PADI2: variants seen among roughly 807,000 people sequenced by gnomAD.
PADI2 encodes the protein protein-arginine deiminase type-2.
PADI2 carries 70 observed loss-of-function variants against 81.1 expected under a neutral mutation model. The observed-to-expected ratio is 0.86, with a 90% CI of 0.71 to 1.05. The LOEUF is 1.05. Among genes scored for constraint, PADI2 ranks in the 50% least tolerant of loss-of-function variants. PADI2 has a pLI of 0.00. For synonymous variants in PADI2, 338 were observed against 358.0 expected (o/e 0.94, Z 0.63); for missense variants, 853 against 889.9 (o/e 0.96, Z 0.53).
At chr1:17,082,722 G>C (rs751215965) in intron 9 of PADI2, 70 bp from the exon 10 acceptor site, 1 of 889,982 alleles carries the variant, frequency 1.1e-6, no homozygotes, top group Non-Finnish European at 1.8e-6. Context: ...CAGAAAACTC[G>C]AGAAACACAA....
Position 17,093,683 on chromosome 1 carries a change from G to A in PADI2, c.413C>T (p.Ala138Val), listed in dbSNP as rs767108869. 3 of 1,585,462 alleles carry A rather than the reference G, an allele frequency of 1.9e-6. No individual in the cohort carries two copies. The highest frequency in any genetic ancestry group is 1.7e-6 in the Non-Finnish European group (2 of 1,154,044). Residue 138 changes from alanine to valine, a missense_variant and splice_region_variant, in exon 5 of 16, where the codon GCA becomes GTA. By Grantham distance (64) the Ala-to-Val change is moderately conservative (BLOSUM62 0). Transcript: ENST00000375486. ...GVVEKNNPKK[A>V]SWTWGPEGQG... Reference sequence around the variant, plus strand: ...GCCCTCGGGGCCCCAGGTCCAGGATGCCTACAGTGGCAGGAAGAAAGGTCA... The same window carrying A: ...GCCCTCGGGGCCCCAGGTCCAGGATACCTACAGTGGCAGGAAGAAAGGTCA...
At chr1:17,081,001 TAC>T (rs1199390382) in intron 10 of PADI2, among the ~76,000 whole-genome samples, 4 of 152,170 alleles carry the variant, frequency 2.6e-5, no homozygotes, top group African/African-American at 9.7e-5. Flanking sequence ...TGCAGCACCA[TAC>T]AGGTGGGCAG....
At chr1:17,097,027 G>A (rs1930960118) in intron 3 of PADI2, among the ~76,000 whole-genome samples, 1 of 152,228 alleles carries the variant, frequency 6.6e-6, no homozygotes, top group South Asian at 2.1e-4. Flanking sequence ...TCCCTTGGGA[G>A]GCGAAATTGC....
chr1:17,091,682 T>A (rs1029531227), intron 6 of PADI2, among the ~76,000 whole-genome samples: 2 of 152,170 alleles, frequency 1.3e-5, no homozygotes, highest in Non-Finnish European at 2.9e-5. Context: ...TGTCACCTCC[T>A]CAGAGAGGCC....
intron 7 of PADI2, among the ~76,000 whole-genome samples, chr1:17,086,220 C>T (rs1310645430): frequency 6.6e-6 from 1 of 152,186 alleles, no homozygotes. Context: ...GACTCTGGGC[C>T]TTAGACCTAG....
At chr1:17,103,360 G>A (rs947662431) in intron 2 of PADI2, among the ~76,000 whole-genome samples, 2 of 152,174 alleles carry the variant, frequency 1.3e-5, no homozygotes, top group Non-Finnish European at 1.5e-5. Flanking sequence ...CATGTTGCAC[G>A]TCTAGTGCCC....
At chr1:17,099,404 C>T (rs1481983986) in intron 3 of PADI2, among the ~76,000 whole-genome samples, 2 of 152,162 alleles carry the variant, frequency 1.3e-5, no homozygotes, top group African/African-American at 4.8e-5. Context: ...CCACACCTCA[C>T]CTCTTGCTCT....
At position 17,083,846 on chromosome 1, in the gene PADI2, T is replaced by C. The variant is rs200349527; in HGVS notation, c.939-9A>G. 7 of 1,566,136 alleles carry C rather than the reference T, an allele frequency of 4.5e-6. No individual in the cohort carries two copies. Among genetic ancestry groups the C allele is most frequent in the Admixed American group, 3.3e-5 (2 of 59,940 alleles). ...GGTAATTATCCTTCATGCTGAGAAG[T>C]TGGGGGAAGAAGGAGAGGCCAGGAG... is the stretch of plus-strand genomic sequence containing the variant. On this transcript the variant is annotated splice_polypyrimidine_tract_variant and intron_variant, in intron 8 of 15. Coordinates refer to ENST00000375486, the MANE Select transcript of PADI2 (RefSeq NM_007365.3).
intron 11 of PADI2, among the ~76,000 whole-genome samples, chr1:17,077,693 A>G (rs1018850464): frequency 2.0e-5 from 3 of 152,260 alleles, no homozygotes; most frequent in Admixed American, 6.5e-5. Flanking sequence ...GAAGGAGGCA[A>G]AAGTGGGCAA....
At chr1:17,099,607 C>G (rs181413910) in intron 3 of PADI2, among the ~76,000 whole-genome samples, 2 of 152,208 alleles carry the variant, frequency 1.3e-5, no homozygotes, top group East Asian at 1.9e-4. Flanking sequence ...AGAGCCTGAT[C>G]TGGCCAAAGG....
intron 1 of PADI2, among the ~76,000 whole-genome samples, chr1:17,106,778 AGAG>A (rs3036927): frequency 1.3e-4 from 20 of 149,954 alleles, no homozygotes; most frequent in South Asian, 6.4e-4. Context: ...GAAAGATGAG[AGAG>A]GAGGAGGAGG....
Position 17,104,973 on chromosome 1 carries a change from C to T in PADI2, c.181G>A (p.Val61Met). The change falls in exon 2 of 16, where the codon GTG becomes ATG. Residue 61 changes from valine (V) to methionine (M), a missense_variant. Physicochemically the swap from Val to Met is conservative, Grantham distance 21. Transcript: ENST00000375486. ...EVVRDGEAEE[V>M]ATNGKQRWLL... ...CAGCGCTGCTTGCCATTGGTGGCCA[C>T]CTCCTCAGCCTCCCCATCACGCACC... The T allele has an allele frequency of 1.9e-6, 3 of 1,610,272 alleles. No homozygotes were observed. Among genetic ancestry groups the T allele is most frequent in the Non-Finnish European group, 2.5e-6 (3 of 1,179,160 alleles).
chr1:17,079,908 C>T (rs2078332140), intron 10 of PADI2, among the ~76,000 whole-genome samples: 1 of 151,996 alleles, frequency 6.6e-6, no homozygotes, highest in African/African-American at 2.4e-5. Context: ...ATTCTCCTGC[C>T]TCAGCCTCCC....
rs978069781 is a variant in PADI2, at chr1:17,068,845, C to T, written c.*199G>A. ...CAGCTATTTTCAGCAGGGACAGAGT[C>T]GAGGCTCACTGGGGATGGCTTCAGA... On this transcript the variant is annotated 3_prime_UTR_variant, in exon 16 of 16. Transcript: ENST00000375486. 2.2e-5 allele frequency: 13 copies of T among 598,780 alleles called. No homozygotes were observed. The highest frequency in any genetic ancestry group is 8.0e-5 in the South Asian group (4 of 50,204). 37.1% of individuals were successfully genotyped at this position (598,780 alleles called of 1,614,324 possible). A position where few individuals can be genotyped will look rare whatever the true frequency, so the allele number is the denominator to read the frequency against.
At chr1:17,096,058 T>C in intron 3 of PADI2, 88 bp from the exon 4 acceptor site, 1 of 940,730 alleles carries the variant, frequency 1.1e-6, no homozygotes, top group South Asian at 1.6e-5. Context: ...TTTGGGTGCG[T>C]CTCAGCCATT....
Position 17,104,988 on chromosome 1 carries a change from C to T in PADI2, c.166G>A (p.Gly56Arg). Residue 56 changes from glycine (G) to arginine (R), a missense_variant, in exon 2 of 16, where the codon GGG (glycine) becomes AGG (arginine). Transcript: ENST00000375486. ...TTGGTGGCCACCTCCTCAGCCTCCC[C>T]ATCACGCACCACCTCCACCCACACG... ...EHVWVEVVRD[G>R]EAEEVATNGK... The T allele has an allele frequency of 2.5e-6, 4 of 1,608,302 alleles. No individual in the cohort carries two copies. The highest frequency in any genetic ancestry group is 3.4e-6 in the Non-Finnish European group (4 of 1,177,830).
At position 17,079,397 on chromosome 1, in the gene PADI2, C is replaced by T. The variant is rs765325408; in HGVS notation, c.1177G>A (p.Val393Met). The T allele has an allele frequency of 1.7e-5, 28 of 1,613,820 alleles. No individual in the cohort carries two copies. Among genetic ancestry groups the T allele is most frequent in the South Asian group, 1.6e-4 (15 of 91,066 alleles). The change falls in exon 11 of 16, where the codon GTG (valine) becomes ATG (methionine). Residue 393 changes from valine to methionine, a missense_variant. By Grantham distance (21) the Val-to-Met change is conservative. Transcript: ENST00000375486. ...KELLGPDFGY[V>M]TREPLFESVT... The stretch of plus-strand genomic sequence containing the variant: ...GACTCAAAGAGGGGCTCCCGGGTCA[C>T]GTAGCCAAAATCTGGGCCCTAGGCA...
rs761375270 is a variant in PADI2 at position 17,084,672 on chromosome 1, T to A, written c.865A>T (p.Thr289Ser). The A allele has an allele frequency of 6.2e-5, 97 of 1,564,350 alleles. No individual in the cohort carries two copies. Among genetic ancestry groups the A allele is most frequent in the Non-Finnish European group, 7.9e-5 (91 of 1,154,518 alleles). Residue 289 changes from threonine (T) to serine (S), a missense_variant, in exon 8 of 16, where the codon ACC becomes TCC. Physicochemically the swap from Thr to Ser is moderately conservative, Grantham distance 58. Transcript: ENST00000375486. ...CACGGAGCAATCCGGAATATCACGGTGTCCGTGAAGATGGGAGTCAGGGGA... is the reference window on the plus strand; with the variant it reads ...CACGGAGCAATCCGGAATATCACGGAGTCCGTGAAGATGGGAGTCAGGGGA... ...DIPLTPIFTD[T>S]VIFRIAPWIM...
At chr1:17,092,642 T>C (rs1459958271) in intron 5 of PADI2, 109 bp from the exon 6 acceptor site, 4 of 1,021,286 alleles carry the variant, frequency 3.9e-6, no homozygotes, top group African/African-American at 3.2e-5. Flanking sequence ...ATGTGTATTA[T>C]GGAAACTATA....
Sources: gnomAD v4.1 joint callset for allele counts (sites outside exome capture counted in the v4.1 genomes callset) on GRCh38, gnomAD v4.1.1 for gene constraint, MANE v1.5 for transcripts, NCBI Gene and HGNC (gene_info 2026-07-23, HGNC 2026-07-21) for gene names.